Variants in CADM2 observed in about 807,000 individuals in gnomAD.
CADM2 encodes immunoglobulin superfamily member 4D.
Under a neutral mutation model 49.8 loss-of-function variants are expected in CADM2, and 12 were observed. The observed-to-expected ratio is 0.24, with a 90% CI of 0.15 to 0.39. The LOEUF (loss-of-function observed/expected upper bound fraction) is 0.39. Ranked by LOEUF, CADM2 falls within the 10% of genes least tolerant of loss-of-function variation. The probability of loss-of-function intolerance (pLI) is 1.00; values close to 1 mark genes in which losing one functional copy is unlikely to be tolerated. For synonymous variants in CADM2, 214 were observed against 175.4 expected, an observed-to-expected ratio of 1.22 and a Z score of -1.74; for missense variants, 378 against 492.3, an observed-to-expected ratio of 0.77 and a Z score of 2.20.
intron 1 of CADM2, among the ~76,000 whole-genome samples, chr3:85,218,053 T>C (rs1374219200): frequency 1.3e-5 from 2 of 152,142 alleles, no homozygotes; most frequent in Non-Finnish European, 2.9e-5. Flanking sequence ...CAATTACTTA[T>C]GTTATGCAGT....
intron 1 of CADM2, among the ~76,000 whole-genome samples, chr3:84,978,794 G>A (rs900418433): frequency 6.6e-6 from 1 of 152,060 alleles, no homozygotes; most frequent in African/African-American, 2.4e-5. Context: ...CATCATAATA[G>A]GCCATAGGGG....
chr3:85,854,856 C>A (rs1045625835), intron 3 of CADM2, among the ~76,000 whole-genome samples: 1 of 152,146 alleles, frequency 6.6e-6, no homozygotes, highest in African/African-American at 2.4e-5. Flanking sequence ...TCCACCTGTC[C>A]TCCTTGTTTA....
intron 1 of CADM2, among the ~76,000 whole-genome samples, chr3:85,147,288 A>G (rs1475688481): frequency 2.4e-5 from 3 of 122,634 alleles, no homozygotes; most frequent in African/African-American, 1.2e-4. Flanking sequence ...AAAAAAAAAA[A>G]AAAAAAAAAA....
intron 1 of CADM2, among the ~76,000 whole-genome samples, chr3:85,251,315 A>C (rs1419666038): frequency 6.6e-6 from 1 of 151,910 alleles, no homozygotes; most frequent in Non-Finnish European, 1.5e-5. Flanking sequence ...TGGACCACCC[A>C]AATTATTATG....
chr3:85,943,176 G>A (rs865964678), intron 7 of CADM2, among the ~76,000 whole-genome samples: 53 of 148,952 alleles, frequency 3.6e-4, no homozygotes, highest in Non-Finnish European at 5.2e-4. Flanking sequence ...ACTTTTTGAT[G>A]GGGTTGTTTG....
intron 1 of CADM2, among the ~76,000 whole-genome samples, chr3:85,703,987 CAG>C (rs2066861303): frequency 6.6e-6 from 1 of 152,116 alleles, no homozygotes; most frequent in South Asian, 2.1e-4. Flanking sequence ...AACATTGATT[CAG>C]AGTTTTTAAT....
chr3:85,450,497 A>C (rs1371016692), intron 1 of CADM2, among the ~76,000 whole-genome samples: 1 of 152,090 alleles, frequency 6.6e-6, no homozygotes, highest in Non-Finnish European at 1.5e-5. Flanking sequence ...CAGCATAAAT[A>C]ATAAATAAAT....
intron 2 of CADM2, among the ~76,000 whole-genome samples, chr3:85,791,965 C>T (rs1435044400): frequency 1.3e-5 from 2 of 152,044 alleles, no homozygotes; most frequent in African/African-American, 2.4e-5. Context: ...CCTTGTGATC[C>T]GCCCACCTCG....
At chr3:84,984,044 T>TACAC (rs1432825851) in intron 1 of CADM2, among the ~76,000 whole-genome samples, 70 of 100,238 alleles carry the variant, frequency 7.0e-4, no homozygotes, top group Middle Eastern at 5.0e-3. Context: ...TATATATATA[T>TACAC]ATATACACAC....
At chr3:85,295,839 A>T (rs970979866) in intron 1 of CADM2, among the ~76,000 whole-genome samples, 1 of 152,026 alleles carries the variant, frequency 6.6e-6, no homozygotes, top group African/African-American at 2.4e-5. Context: ...ATGACGAGTT[A>T]GTGGGTGCAA....
intron 1 of CADM2, among the ~76,000 whole-genome samples, chr3:85,429,703 G>A (rs1329342671): frequency 6.6e-6 from 1 of 152,110 alleles, no homozygotes; most frequent in Non-Finnish European, 1.5e-5. Context: ...CATTCCCATA[G>A]TAAAATGGAG....
intron 1 of CADM2, among the ~76,000 whole-genome samples, chr3:84,969,496 G>A (rs1354527427): frequency 2.1e-5 from 3 of 141,916 alleles, no homozygotes; most frequent in African/African-American, 5.2e-5. Flanking sequence ...CTAATCGAAT[G>A]TCTGGTCTAT....
At chr3:84,960,067 T>G in intron 1 of CADM2, 1 of 276,520 alleles carries the variant, frequency 3.6e-6, no homozygotes. Flanking sequence ...TCTCCATCTC[T>G]TGTCATCTCT....
At chr3:86,007,570 T>A (rs185061003) in intron 8 of CADM2, among the ~76,000 whole-genome samples, 1 of 152,320 alleles carries the variant, frequency 6.6e-6, no homozygotes, top group East Asian at 1.9e-4. Flanking sequence ...TAGGTTTACC[T>A]CTTTTTGCCT....
chr3:85,664,999 CTATTT>C (rs2065522919), intron 1 of CADM2, among the ~76,000 whole-genome samples: 1 of 151,944 alleles, frequency 6.6e-6, no homozygotes, highest in Non-Finnish European at 1.5e-5. Context: ...GAATTTTTGT[CTATTT>C]TGTTTACTGC....
intron 1 of CADM2, among the ~76,000 whole-genome samples, chr3:85,653,661 T>G (rs2065119253): frequency 6.6e-6 from 1 of 152,070 alleles, no homozygotes. Context: ...GTTCAGGGAA[T>G]GGGTCATTAC....
rs777372233 is a variant in CADM2, at chr3:85,979,223, A to G, written c.970+17576A>G. Reference sequence around the variant, plus strand: ...CCCCTCCCTTACCACTGCAACAGTCACAACCACTGTAGCCATAACAACCAG... The same window carrying G: ...CCCCTCCCTTACCACTGCAACAGTCGCAACCACTGTAGCCATAACAACCAG... On this transcript the variant is annotated intron_variant, in intron 8 of 9. Coordinates refer to ENST00000383699, the MANE Select transcript of CADM2 (RefSeq NM_001167675.2). 3.1e-6 allele frequency: 5 copies of G among 1,610,822 alleles called. No homozygotes were observed. In the African/African-American group the frequency reaches 4.0e-5, roughly 13 times the overall value.
intron 2 of CADM2, among the ~76,000 whole-genome samples, chr3:85,754,547 G>A (rs770553636): frequency 1.5e-4 from 23 of 152,122 alleles, no homozygotes; most frequent in South Asian, 6.2e-4. Context: ...ATGAATTTTC[G>A]TATGCTTTAC....
chr3:86,057,791 AGAT>A (rs760263624), intron 8 of CADM2, among the ~76,000 whole-genome samples: 4 of 152,120 alleles, frequency 2.6e-5, no homozygotes, highest in Non-Finnish European at 4.4e-5. Flanking sequence ...AAATAACAGG[AGAT>A]TATTTAGCAT....
Sources: allele counts gnomAD v4.1 joint callset (sites outside exome capture counted in the v4.1 genomes callset), GRCh38; gene constraint gnomAD v4.1.1; transcripts MANE v1.5; gene names NCBI Gene and HGNC (gene_info 2026-07-23, HGNC 2026-07-21).